ESCO1: variants seen among roughly 807,000 people sequenced by gnomAD.
ESCO1 encodes the protein N-acetyltransferase ESCO1.
In ESCO1, 33 loss-of-function variants were observed where a neutral mutation model predicts 83.5. The observed-to-expected ratio is 0.40, with a 90% CI of 0.30 to 0.53. The LOEUF is 0.53. Among genes scored for constraint, ESCO1 ranks in the 20% least tolerant of loss-of-function variants. The pLI is 0.63. For synonymous variants in ESCO1, 332 were observed against 324.3 expected (o/e 1.02, Z -0.25); for missense variants, 855 against 968.0 (o/e 0.88, Z 1.55).
intron 1 of ESCO1, among the ~76,000 whole-genome samples, chr18:21,599,537 C>T (rs1005676690): frequency 6.6e-6 from 1 of 152,108 alleles, no homozygotes; most frequent in African/African-American, 2.4e-5. Context: ...CTTATGCCAC[C>T]AAGTAGCGCT....
chr18:21,545,521 C>T (rs2037962157), intron 8 of ESCO1, among the ~76,000 whole-genome samples: 1 of 144,712 alleles, frequency 6.9e-6, no homozygotes, highest in African/African-American at 2.6e-5. Flanking sequence ...TGCAGCGAGC[C>T]GAGATCACAC....
At chr18:21,562,467 CA>C (rs34722426) in intron 7 of ESCO1, among the ~76,000 whole-genome samples, 132,477 of 138,872 alleles carry the variant, frequency 0.95, 63,265 homozygotes, top group South Asian at 0.99. Context: ...CTCCGTCTTA[CA>C]AAAAAAAAAA....
rs1171766680 is a variant in ESCO1, at chr18:21,579,789, C to T, written c.-693-4012G>A. 4.5e-3 allele frequency among the ~76,000 whole-genome samples: 191 copies of T among 42,854 alleles called. 2 individuals are homozygous for T. The highest frequency in any genetic ancestry group is 9.9e-3 in the Non-Finnish European group (125 of 12,630). The allele number at this position is 42,854 out of a possible 152,430, so 28.1% of individuals were successfully genotyped here. On this transcript the variant is annotated intron_variant, in intron 2 of 11. Transcript: ENST00000269214. Reference sequence around the variant, plus strand: ...AGATTCTGACACACACACACACGCGCGCGCGCACACACACACACACACACA... The same window carrying T: ...AGATTCTGACACACACACACACGCGTGCGCGCACACACACACACACACACA...
At chr18:21,573,222 T>C in intron 4 of ESCO1, 92 bp downstream of exon 4, 1 of 1,269,842 alleles carries the variant, frequency 7.9e-7, no homozygotes, top group South Asian at 1.6e-5. Context: ...CTTCAATCTT[T>C]TATGACTTCA....
rs1338695285 is a variant in ESCO1, at chr18:21,540,694, G to C, written c.1954-685C>G. On this transcript the variant is annotated intron_variant, in intron 8 of 11. Transcript: ENST00000269214. Reference sequence around the variant, plus strand: ...GATCCACACTCGTGGTGATTAATGAGCAGAACCTGCATAAAAAAACAAAAC... The same window carrying C: ...GATCCACACTCGTGGTGATTAATGACCAGAACCTGCATAAAAAAACAAAAC... 3.9e-6 allele frequency: 5 copies of C among 1,283,928 alleles called. No individual in the cohort carries two copies. The Admixed American group carries it at 1.3e-4, about 34-fold the overall frequency. 79.5% of individuals were successfully genotyped at this position (1,283,928 alleles called of 1,614,324 possible).
chr18:21,547,300 A>T (rs897696584), intron 8 of ESCO1, among the ~76,000 whole-genome samples: 1 of 152,058 alleles, frequency 6.6e-6, no homozygotes, highest in Non-Finnish European at 1.5e-5. Context: ...AGAAATAAAT[A>T]AGCCTACGAA....
At chr18:21,542,640 A>G (rs1743334461) in intron 8 of ESCO1, among the ~76,000 whole-genome samples, 2 of 152,228 alleles carry the variant, frequency 1.3e-5, no homozygotes, top group African/African-American at 2.4e-5. Context: ...CAATGCACTA[A>G]TCTAACAAAA....
At chr18:21,561,053 C>T in intron 7 of ESCO1, 63 bp from the exon 8 acceptor site, 1 of 1,512,498 alleles carries the variant, frequency 6.6e-7, no homozygotes, top group Non-Finnish European at 8.8e-7. Context: ...GAATATCAGC[C>T]TCTAAGGCTA....
At chr18:21,594,491 G>A (rs2038730556) in intron 1 of ESCO1, among the ~76,000 whole-genome samples, 2 of 152,234 alleles carry the variant, frequency 1.3e-5, no homozygotes, top group South Asian at 4.1e-4. Flanking sequence ...ATCACTTGAG[G>A]TCAGGAGTTC....
chr18:21,537,545 A>G (rs1247510747), intron 9 of ESCO1, among the ~76,000 whole-genome samples: 2 of 152,176 alleles, frequency 1.3e-5, no homozygotes, highest in Non-Finnish European at 2.9e-5. Flanking sequence ...AAAACAAAAC[A>G]AAACAAAAAA....
chr18:21,564,438 T>C, intron 6 of ESCO1, 121 bp from the exon 7 acceptor site: 1 of 628,698 alleles, frequency 1.6e-6, no homozygotes, highest in Non-Finnish European at 2.6e-6. Flanking sequence ...TCGCCCAGGC[T>C]GGAGTGCAGT....
At chr18:21,577,727 T>C (rs2146215122) in intron 2 of ESCO1, among the ~76,000 whole-genome samples, 1 of 150,534 alleles carries the variant, frequency 6.6e-6, no homozygotes, top group South Asian at 2.1e-4. Context: ...CTCAGAAGAC[T>C]AGAGGTATAA....
intron 8 of ESCO1, among the ~76,000 whole-genome samples, chr18:21,552,890 T>C (rs1180772179): frequency 6.6e-6 from 1 of 152,208 alleles, no homozygotes; most frequent in Non-Finnish European, 1.5e-5. Flanking sequence ...AAAAACTAGA[T>C]GACCTTGGGT....
chr18:21,598,759 A>C (rs2038799766), intron 1 of ESCO1, among the ~76,000 whole-genome samples: 1 of 152,156 alleles, frequency 6.6e-6, no homozygotes, highest in African/African-American at 2.4e-5. Flanking sequence ...TGATTGAGAA[A>C]GGTGAGACAA....
chr18:21,586,937 G>GT (rs1210594435), intron 1 of ESCO1, among the ~76,000 whole-genome samples: 1 of 151,712 alleles, frequency 6.6e-6, no homozygotes, highest in Non-Finnish European at 1.5e-5. Context: ...TTGTTGAGCA[G>GT]TTTTATCATG....
chr18:21,583,374 T>C (rs765557489), intron 2 of ESCO1, among the ~76,000 whole-genome samples: 1 of 150,538 alleles, frequency 6.6e-6, no homozygotes, highest in Non-Finnish European at 1.5e-5. Flanking sequence ...CCAGGCAGGG[T>C]GGCTCACACC....
intron 8 of ESCO1, among the ~76,000 whole-genome samples, chr18:21,545,694 T>C (rs1468297911): frequency 6.6e-6 from 1 of 151,720 alleles, no homozygotes; most frequent in African/African-American, 2.4e-5. Flanking sequence ...TTTGGGAGGC[T>C]GAGGCGGGTG....
In ESCO1 at chr18:21,573,363, G is replaced by A. The variant is rs549925063; in HGVS notation, c.1481C>T (p.Pro494Leu). ...HLANEIKPSD[P>L]PLDNQMKHSF... Reference sequence around the variant, plus strand: ...ATGTTTCATCTGATTATCCAATGGTGGGTCAGAAGGTTTTATCTCATTGGC... The same window carrying A: ...ATGTTTCATCTGATTATCCAATGGTAGGTCAGAAGGTTTTATCTCATTGGC... The change falls in exon 4 of 12, where the codon CCA (proline) becomes CTA (leucine). Residue 494 changes from proline to leucine, a missense_variant. Physicochemically the swap from Pro to Leu is moderately conservative, Grantham distance 98. Coordinates refer to ENST00000269214, the MANE Select transcript of ESCO1 (RefSeq NM_052911.3). 2 of 1,592,084 alleles carry A rather than the reference G, an allele frequency of 1.3e-6. No individual in the cohort carries two copies. Among genetic ancestry groups the A allele is most frequent in the East Asian group, 2.2e-5 (1 of 44,768 alleles).
intron 8 of ESCO1, among the ~76,000 whole-genome samples, chr18:21,550,787 C>A (rs2038035091): frequency 6.6e-6 from 1 of 152,162 alleles, no homozygotes; most frequent in Non-Finnish European, 1.5e-5. Flanking sequence ...ATCACTGTAA[C>A]TGTTGTAATA....
Sources: allele counts gnomAD v4.1 joint callset (sites outside exome capture counted in the v4.1 genomes callset), GRCh38; gene constraint gnomAD v4.1.1; transcripts MANE v1.5; gene names NCBI Gene and HGNC (gene_info 2026-07-23, HGNC 2026-07-21).